THSD7B: variants seen among roughly 807,000 people sequenced by gnomAD.
THSD7B encodes thrombospondin type 1 domain containing 7B.
A neutral mutation model predicts 213.6 loss-of-function variants in THSD7B; 138 were observed. The ratio of observed to expected loss-of-function variants is 0.65; its 90% CI spans 0.56 to 0.74. The LOEUF (loss-of-function observed/expected upper bound fraction) is 0.74. Ranked by LOEUF, THSD7B falls within the 30% of genes least tolerant of loss-of-function variation. The pLI, the probability that THSD7B is intolerant of heterozygous loss-of-function variation, is 0.00. For synonymous variants in THSD7B, 742 were observed against 687.0 expected (o/e 1.08, Z -1.25); for missense variants, 1,931 against 1,991.5 (o/e 0.97, Z 0.58).
chr2:137,634,589 A>AATT (rs2104855178), intron 20 of THSD7B, among the ~76,000 whole-genome samples: 1 of 152,290 alleles, frequency 6.6e-6, no homozygotes, highest in South Asian at 2.1e-4. Context: ...CCAAAAACAT[A>AATT]ATTTCCAGTA....
intron 2 of THSD7B, among the ~76,000 whole-genome samples, chr2:137,016,482 C>T (rs950499790): frequency 3.9e-5 from 6 of 152,132 alleles, no homozygotes; most frequent in African/African-American, 7.2e-5. Flanking sequence ...GTTGGACAAA[C>T]GCTGCCATCT....
intron 1 of THSD7B, among the ~76,000 whole-genome samples, chr2:136,819,883 G>A (rs1682541839): frequency 6.6e-6 from 1 of 151,846 alleles, no homozygotes; most frequent in South Asian, 2.1e-4. Flanking sequence ...TGGCTCTTTG[G>A]TGTTTCTTAA....
intron 12 of THSD7B, among the ~76,000 whole-genome samples, chr2:137,342,322 GA>G (rs1339952191): frequency 6.6e-6 from 1 of 151,312 alleles, no homozygotes; most frequent in Non-Finnish European, 1.5e-5. Context: ...TTAGTAAACA[GA>G]AACACTACTG....
chr2:137,014,427 G>A (rs888307808), intron 2 of THSD7B, among the ~76,000 whole-genome samples: 4 of 152,172 alleles, frequency 2.6e-5, no homozygotes, highest in African/African-American at 9.7e-5. Context: ...TGGTCAGAGC[G>A]AGGCTCATCG....
chr2:136,834,035 C>T (rs953773603), intron 1 of THSD7B, among the ~76,000 whole-genome samples: 1 of 152,098 alleles, frequency 6.6e-6, no homozygotes. Context: ...AGAAGTTGTT[C>T]CCGTGACTAA....
At position 137,620,006 on chromosome 2, in the gene THSD7B, A is replaced by G. The variant is rs1573747264; in HGVS notation, c.3682-603A>G. ...TCCTTCTGTGTTTCTCAGGTGCTTT[A>G]TTCTTTCACTAGGATCTCTGCTACC... On this transcript the variant is annotated intron_variant, in intron 19 of 27. Transcript: ENST00000409968. 2.0e-5 allele frequency among the ~76,000 whole-genome samples: 3 copies of G among 152,250 alleles called. No individual in the cohort carries two copies. The South Asian group carries it at 6.2e-4, about 32-fold the overall frequency.
At chr2:137,304,806 GT>G (rs1451504942) in intron 12 of THSD7B, among the ~76,000 whole-genome samples, 2 of 151,774 alleles carry the variant, frequency 1.3e-5, no homozygotes, top group Admixed American at 1.3e-4. Flanking sequence ...ATGATATATA[GT>G]TTTCTTAGCA....
At chr2:137,566,150 A>G (rs1358834194) in intron 16 of THSD7B, among the ~76,000 whole-genome samples, 1 of 152,178 alleles carries the variant, frequency 6.6e-6, no homozygotes, top group African/African-American at 2.4e-5. Context: ...CATGACTAGA[A>G]TCAATTATTA....
intron 5 of THSD7B, among the ~76,000 whole-genome samples, chr2:137,145,366 T>C (rs753107840): frequency 6.6e-6 from 1 of 152,074 alleles, no homozygotes; most frequent in Admixed American, 6.6e-5. Flanking sequence ...GTGGTTGTAA[T>C]AGGAGTCTTG....
At chr2:137,497,445 A>G (rs538097162) in intron 15 of THSD7B, among the ~76,000 whole-genome samples, 17 of 152,256 alleles carry the variant, frequency 1.1e-4, no homozygotes, top group African/African-American at 3.9e-4. Context: ...ATTATCTATG[A>G]TGATTTTAGC....
intron 10 of THSD7B, among the ~76,000 whole-genome samples, chr2:137,266,590 T>A (rs1321941596): frequency 1.3e-5 from 2 of 152,184 alleles, no homozygotes; most frequent in Admixed American, 6.5e-5. Flanking sequence ...ACCACTGATG[T>A]TTAATGGGTA....
At chr2:136,953,240 A>C (rs1685070395) in intron 2 of THSD7B, among the ~76,000 whole-genome samples, 1 of 152,208 alleles carries the variant, frequency 6.6e-6, no homozygotes, top group Admixed American at 6.5e-5. Context: ...GAAAGAAAAA[A>C]ATTACCCTTA....
At chr2:137,225,810 A>G (rs1488079769) in intron 7 of THSD7B, among the ~76,000 whole-genome samples, 1 of 146,884 alleles carries the variant, frequency 6.8e-6, no homozygotes, top group Non-Finnish European at 1.6e-5. Context: ...TAAATAGACA[A>G]ATATGCTTCC....
chr2:136,960,702 A>G (rs2105084093), intron 2 of THSD7B, among the ~76,000 whole-genome samples: 1 of 152,266 alleles, frequency 6.6e-6, no homozygotes, highest in South Asian at 2.1e-4. Flanking sequence ...CCATAGAGTC[A>G]TTCTGGAGCT....
chr2:137,443,560 TTCTC>T (rs1687464156), intron 14 of THSD7B, among the ~76,000 whole-genome samples: 1 of 152,136 alleles, frequency 6.6e-6, no homozygotes, highest in Admixed American at 6.6e-5. Context: ...GCAGGGTTGA[TTCTC>T]TATCTTGTCA....
At chr2:137,192,630 G>A (rs1334887985) in intron 7 of THSD7B, among the ~76,000 whole-genome samples, 2 of 152,144 alleles carry the variant, frequency 1.3e-5, no homozygotes, top group Non-Finnish European at 2.9e-5. Flanking sequence ...ATAAGGAATA[G>A]CAGGGCTTTT....
At chr2:137,265,279 A>G (rs1315045903) in intron 10 of THSD7B, among the ~76,000 whole-genome samples, 1 of 152,196 alleles carries the variant, frequency 6.6e-6, no homozygotes. Context: ...ATCTCACACC[A>G]GTTAGAATGG....
chr2:137,386,301 T>G (rs899989200), intron 12 of THSD7B, among the ~76,000 whole-genome samples: 2 of 152,230 alleles, frequency 1.3e-5, no homozygotes, highest in African/African-American at 4.8e-5. Context: ...TTCATCTGTG[T>G]ATCTTAGGCC....
chr2:137,363,992 A>G (rs1372050583), intron 12 of THSD7B, among the ~76,000 whole-genome samples: 1 of 152,246 alleles, frequency 6.6e-6, no homozygotes, highest in Non-Finnish European at 1.5e-5. Flanking sequence ...AAAATCCTCA[A>G]TAAAATACTG....
Sources: gnomAD v4.1 joint callset for allele counts (sites outside exome capture counted in the v4.1 genomes callset) on GRCh38, gnomAD v4.1.1 for gene constraint, MANE v1.5 for transcripts, NCBI Gene and HGNC (gene_info 2026-07-23, HGNC 2026-07-21) for gene names.